The following KIRREL3 variants were observed in gnomAD, a reference collection of about 807,000 sequenced individuals.
KIRREL3 encodes the protein kirre like nephrin family adhesion molecule 3.
In KIRREL3, 36 loss-of-function variants were observed where a neutral mutation model predicts 89.7. The ratio of observed to expected loss-of-function variants is 0.40; its 90% CI spans 0.31 to 0.53. The LOEUF (loss-of-function observed/expected upper bound fraction) is 0.53, where lower values mean the gene tolerates loss of function less well. Among genes scored for constraint, KIRREL3 ranks in the 20% least tolerant of loss-of-function variants. The pLI is 0.49. For missense variants in KIRREL3, 864 were observed against 1,056.6 expected (o/e 0.82, Z 2.53); for synonymous variants, 445 against 441.4 (o/e 1.01, Z -0.10).
At chr11:126,839,122 C>T (rs939513) in intron 1 of KIRREL3, among the ~76,000 whole-genome samples, 131,450 of 152,228 alleles carry the variant, frequency 0.86, 57,100 homozygotes, top group East Asian at 1. Flanking sequence ...GAAACAGCGT[C>T]CATGGAGAGC....
At chr11:126,494,394 C>T (rs1957602500) in intron 4 of KIRREL3, among the ~76,000 whole-genome samples, 1 of 152,102 alleles carries the variant, frequency 6.6e-6, no homozygotes, top group African/African-American at 2.4e-5. Context: ...AAAAATTTAC[C>T]ACTTAAAGAA....
rs373221011 is a variant in KIRREL3 at position 126,818,426 on chromosome 11, T to A, written c.55+182029A>T. ...CTCTGCCATTTACTAGTTGTGTGGC[T>A]TTAGGCACCTTCCGTAACCTCTCTG... On this transcript the variant is annotated intron_variant, in intron 1 of 16. Coordinates refer to ENST00000525144, the MANE Select transcript of KIRREL3 (RefSeq NM_032531.4). 1.2e-3 allele frequency among the ~76,000 whole-genome samples: 184 copies of A among 152,312 alleles called. 3 individuals are homozygous for A. In the South Asian group the frequency reaches 0.036, roughly 30 times the overall value.
At chr11:126,861,230 C>A (rs114615046) in intron 1 of KIRREL3, among the ~76,000 whole-genome samples, 115 of 152,252 alleles carry the variant, frequency 7.6e-4, no homozygotes, top group Admixed American at 2.2e-3. Context: ...GAAAACAGCA[C>A]CCATGCAGGT....
rs1196441080 is a variant in KIRREL3, at chr11:126,490,664, G to T, written c.434-17198C>A. On this transcript the variant is annotated intron_variant, in intron 4 of 16. Transcript: ENST00000525144. The surrounding 1 kb of genome is among the most constrained non-coding windows in gnomAD (Gnocchi z 4.2). ...TAAGAGGGATAATAATTCTGTGAAG[G>T]TTAGGAGAAGTTCCATGGGATGGCA... Among the ~76,000 whole-genome samples, 5 of 152,190 alleles carry T rather than the reference G, an allele frequency of 3.3e-5. No individual in the cohort carries two copies. Among genetic ancestry groups the T allele is most frequent in the Admixed American group, 6.5e-5 (1 of 15,282 alleles).
At chr11:126,671,451 C>T (rs1342006258) in intron 1 of KIRREL3, among the ~76,000 whole-genome samples, 1 of 152,100 alleles carries the variant, frequency 6.6e-6, no homozygotes, top group Non-Finnish European at 1.5e-5. Flanking sequence ...AAATTAAAAA[C>T]TTTTGCTCTG....
chr11:126,819,585 G>A (rs888072636), intron 1 of KIRREL3, among the ~76,000 whole-genome samples: 12 of 152,188 alleles, frequency 7.9e-5, no homozygotes, highest in Non-Finnish European at 1.8e-4. Context: ...CATCTGCTTC[G>A]CAGGTACGAT....
intron 1 of KIRREL3, among the ~76,000 whole-genome samples, chr11:126,887,069 C>A (rs181543153): frequency 6.6e-6 from 1 of 152,262 alleles, no homozygotes; most frequent in East Asian, 1.9e-4. Context: ...ACTCCCCTCC[C>A]AGAAGAATTC....
At chr11:126,493,525 G>A (rs1256397139) in intron 4 of KIRREL3, among the ~76,000 whole-genome samples, 1 of 151,926 alleles carries the variant, frequency 6.6e-6, no homozygotes, top group Non-Finnish European at 1.5e-5. Flanking sequence ...TGTGGTGGTG[G>A]GTGCCTGTAG....
chr11:126,780,950 TAAATA>T lies in KIRREL3; in HGVS notation c.56-218043_56-218039del, dbSNP rs1950308385. Among the ~76,000 whole-genome samples the T allele has an allele frequency of 6.6e-6, 1 of 152,240 alleles. No homozygotes were observed. Among genetic ancestry groups the T allele is most frequent in the African/African-American group, 2.4e-5 (1 of 41,462 alleles). On this transcript the variant is annotated intron_variant, in intron 1 of 16. Coordinates refer to ENST00000525144, the MANE Select transcript of KIRREL3 (RefSeq NM_032531.4). This position sits in a 1 kb window ranked among gnomAD's most constrained non-coding sequence, Gnocchi z 5.3. Reference sequence around the variant, plus strand: ...ATGAGTTTCAATCTATCATAGATGCTAAATAAAAGTTTGTATTTTCTCCCTGGATA... The same window carrying T: ...ATGAGTTTCAATCTATCATAGATGCTAAAGTTTGTATTTTCTCCCTGGATA...
chr11:126,566,659 G>A lies in KIRREL3; in HGVS notation c.56-3747C>T, dbSNP rs746702356. ...ATTTCCTCCTGGGAGAAATAAAAGG[G>A]GATGGCTTTTTAAATGGGATGGGTT... On this transcript the variant is annotated intron_variant, in intron 1 of 16. Transcript: ENST00000525144. This position sits in a 1 kb window ranked among gnomAD's most constrained non-coding sequence, Gnocchi z 4.9. Among the ~76,000 whole-genome samples, 56 of 152,290 alleles carry A rather than the reference G, an allele frequency of 3.7e-4. No homozygotes were observed. Among genetic ancestry groups the A allele is most frequent in the Admixed American group, 2.3e-3 (35 of 15,304 alleles).
intron 1 of KIRREL3, among the ~76,000 whole-genome samples, chr11:126,862,387 G>A (rs1944732800): frequency 1.3e-5 from 2 of 152,224 alleles, no homozygotes; most frequent in Non-Finnish European, 2.9e-5. Flanking sequence ...CAGCTTCACT[G>A]ACTCTTACTG....
At chr11:126,456,932 T>A (rs1956364320) in intron 6 of KIRREL3, among the ~76,000 whole-genome samples, 1 of 152,156 alleles carries the variant, frequency 6.6e-6, no homozygotes, top group Non-Finnish European at 1.5e-5. Context: ...AGCCTAATCA[T>A]CTCCACTCAG....
At chr11:126,846,112 GC>G (rs1944133105) in intron 1 of KIRREL3, among the ~76,000 whole-genome samples, 1 of 152,216 alleles carries the variant, frequency 6.6e-6, no homozygotes, top group South Asian at 2.1e-4. Context: ...TTATGAGAGA[GC>G]TTTGGTGTGT....
chr11:126,718,119 G>T (rs143224722), intron 1 of KIRREL3, among the ~76,000 whole-genome samples: 1 of 152,124 alleles, frequency 6.6e-6, no homozygotes, highest in Non-Finnish European at 1.5e-5. Flanking sequence ...CGGAATTTGC[G>T]CTGAGAGGAG....
Position 126,954,939 on chromosome 11 carries a change from C to T in KIRREL3, c.55+45516G>A, listed in dbSNP as rs536870972. ...GGGCAACAACTCTGTCTCTTGCATT[C>T]CCTCTCCTTGTCACATCTGACCAGT... On this transcript the variant is annotated intron_variant, in intron 1 of 16. Coordinates refer to ENST00000525144, the MANE Select transcript of KIRREL3 (RefSeq NM_032531.4). The surrounding 1 kb of genome is among the most constrained non-coding windows in gnomAD (Gnocchi z 4.1). Among the ~76,000 whole-genome samples, 1 of 152,314 alleles carries T rather than the reference C, an allele frequency of 6.6e-6. No individual in the cohort carries two copies. Among genetic ancestry groups the T allele is most frequent in the South Asian group, 2.1e-4 (1 of 4,820 alleles).
At chr11:126,964,175 G>C (rs1388324350) in intron 1 of KIRREL3, among the ~76,000 whole-genome samples, 1 of 152,148 alleles carries the variant, frequency 6.6e-6, no homozygotes, top group Non-Finnish European at 1.5e-5. Context: ...AACAGCTATT[G>C]AATGACTAAA....
At chr11:126,921,766 T>G (rs775974332) in intron 1 of KIRREL3, among the ~76,000 whole-genome samples, 62 of 149,842 alleles carry the variant, frequency 4.1e-4, no homozygotes, top group Non-Finnish European at 7.8e-4. Flanking sequence ...TCTATCTATC[T>G]ATCTATCTAT....
rs147041026 is a variant in KIRREL3, at chr11:126,791,835, G to A, written c.55+208620C>T. On this transcript the variant is annotated intron_variant, in intron 1 of 16. Transcript: ENST00000525144. This position sits in a 1 kb window ranked among gnomAD's most constrained non-coding sequence, Gnocchi z 4.8. ...GGGACAGTTGTGGGGCTGTAGGGGC[G>A]GTTTCTCAGAGTGTGAGGTATGGGA... is the stretch of plus-strand genomic sequence containing the variant. Among the ~76,000 whole-genome samples, 523 of 152,280 alleles carry A rather than the reference G, an allele frequency of 3.4e-3. 1 individual carries two copies. Among genetic ancestry groups the A allele is most frequent in the Non-Finnish European group, 5.8e-3 (396 of 68,026 alleles).
At position 126,722,024 on chromosome 11, in the gene KIRREL3, G is replaced by A. The variant is rs150668518; in HGVS notation, c.56-159112C>T. ...GAACAATGTCAGGACCCCTTAGCAT[G>A]GCAGTCAAGGCTCCCAATGATATGT... On this transcript the variant is annotated intron_variant, in intron 1 of 16. Transcript: ENST00000525144. 1.4e-3 allele frequency among the ~76,000 whole-genome samples: 220 copies of A among 152,334 alleles called. 3 individuals are homozygous for A. The highest frequency in any genetic ancestry group is 5.0e-3 in the African/African-American group (208 of 41,586).
Sources: allele counts gnomAD v4.1 joint callset (sites outside exome capture counted in the v4.1 genomes callset), GRCh38; gene constraint gnomAD v4.1.1; non-coding constraint Gnocchi (gnomAD v3.1); transcripts MANE v1.5; gene names NCBI Gene and HGNC (gene_info 2026-07-23, HGNC 2026-07-21).